Variants in TBCD observed in about 807,000 individuals in gnomAD.
TBCD encodes tubulin-specific chaperone D.
In TBCD, 105 loss-of-function variants were observed where a neutral mutation model predicts 169.3. The observed-to-expected ratio is 0.62, with a 90% CI of 0.53 to 0.73. TBCD has a LOEUF of 0.73. TBCD is among the 30% of genes least tolerant of loss of function. The pLI is 0.00. For synonymous variants in TBCD, 700 were observed against 643.9 expected, an observed-to-expected ratio of 1.09 and a Z score of -1.32; for missense variants, 1,444 against 1,600.1, an observed-to-expected ratio of 0.90 and a Z score of 1.66.
chr17:82,834,170 G>GC (rs369942176), intron 13 of TBCD, among the ~76,000 whole-genome samples: 8 of 152,198 alleles, frequency 5.3e-5, no homozygotes, highest in African/African-American at 1.9e-4. Flanking sequence ...CTGGTCTCGA[G>GC]CTCCTGACCT....
Position 82,870,217 on chromosome 17 carries a change from T to A in TBCD, c.1319-7T>A, listed in dbSNP as rs777019309. 1 of 1,612,816 alleles carries A rather than the reference T, an allele frequency of 6.2e-7. No individual in the cohort carries two copies. The highest frequency in any genetic ancestry group is 8.5e-7 in the Non-Finnish European group (1 of 1,179,852). Reference sequence around the variant, plus strand: ...TCCTCACCGTCTTTTCTCTTGTCCTTGCCCAGTTGTCGCCGTGATCCTGAA... The same window carrying A: ...TCCTCACCGTCTTTTCTCTTGTCCTAGCCCAGTTGTCGCCGTGATCCTGAA... On this transcript the variant is annotated splice_polypyrimidine_tract_variant and splice_region_variant and intron_variant, in intron 13 of 38. Transcript: ENST00000355528.
At chr17:82,871,351 CTTG>C (rs1480042832) in intron 14 of TBCD, among the ~76,000 whole-genome samples, 5 of 152,336 alleles carry the variant, frequency 3.3e-5, no homozygotes, top group East Asian at 1.9e-4. Context: ...TGCTTCCTTT[CTTG>C]TTGTGCATGA....
At chr17:82,896,533 G>A (rs12951357) in intron 17 of TBCD, among the ~76,000 whole-genome samples, 67,066 of 146,842 alleles carry the variant, frequency 0.46, 15,626 homozygotes, top group African/African-American at 0.56. Flanking sequence ...TGGCGCAATC[G>A]CGGCTCCCTG....
intron 13 of TBCD, among the ~76,000 whole-genome samples, chr17:82,825,565 A>G (rs985959925): frequency 6.6e-6 from 1 of 152,022 alleles, no homozygotes; most frequent in African/African-American, 2.4e-5. Context: ...GGTGCCTGAC[A>G]GGGCTGGGGG....
intron 13 of TBCD, among the ~76,000 whole-genome samples, chr17:82,867,273 ATTGTCCATGCTGGC>A (rs1567919606): frequency 1.3e-5 from 2 of 152,210 alleles, no homozygotes; most frequent in Non-Finnish European, 2.9e-5. Context: ...GCCTGAGGCC[ATTGTCCATGCTGGC>A]CACTGCCACT....
At position 82,830,581 on chromosome 17, in the gene TBCD, G is replaced by C. The variant is rs780942296; in HGVS notation, c.1318+15647G>C. ...CCCAGTCTTCTGTGGAACAGCAGCA[G>C]CAGGTTCTGCAGCTCGTGGTCGACC... On this transcript the variant is annotated intron_variant, in intron 13 of 38. Coordinates refer to ENST00000355528, the MANE Select transcript of TBCD (RefSeq NM_005993.5). The C allele has an allele frequency of 3.0e-5, 48 of 1,614,094 alleles. No homozygotes were observed. The highest frequency in any genetic ancestry group is 3.7e-5 in the Non-Finnish European group (44 of 1,179,996).
At chr17:82,913,366 G>A (rs982783320) in intron 23 of TBCD, 1 of 152,326 alleles carries the variant, frequency 6.6e-6, no homozygotes, top group African/African-American at 2.4e-5. Flanking sequence ...TGAGCAGTAA[G>A]TCTGCACAGG....
intron 13 of TBCD, among the ~76,000 whole-genome samples, chr17:82,823,609 G>A (rs562564011): frequency 7.0e-6 from 1 of 143,754 alleles, no homozygotes; most frequent in African/African-American, 2.5e-5. Flanking sequence ...GTGGGCCCCC[G>A]TTAAGACTGT....
At chr17:82,815,735 T>C (rs964765338) in intron 13 of TBCD, among the ~76,000 whole-genome samples, 1 of 152,182 alleles carries the variant, frequency 6.6e-6, no homozygotes, top group Non-Finnish European at 1.5e-5. Context: ...TAAAGACACC[T>C]GAGATGTGGT....
intron 13 of TBCD, among the ~76,000 whole-genome samples, chr17:82,850,943 T>TATG (rs2055739910): frequency 6.6e-6 from 1 of 152,236 alleles, no homozygotes; most frequent in Non-Finnish European, 1.5e-5. Context: ...AAAACGCACA[T>TATG]TACATACTGT....
Position 82,920,416 on chromosome 17 carries a change from G to C in TBCD, c.2039-140G>C. On this transcript the variant is annotated intron_variant, in intron 23 of 38. Coordinates refer to ENST00000355528, the MANE Select transcript of TBCD (RefSeq NM_005993.5). The surrounding 1 kb of genome is among the most constrained non-coding windows in gnomAD (Gnocchi z 4.1). ...CTGAAATGGTTCTGGGATGTTTCCA[G>C]CCCTGGCAGCAGGGTAGGTTGGGCG... The C allele has an allele frequency of 1.4e-6, 1 of 709,092 alleles. No individual in the cohort carries two copies. Among genetic ancestry groups the C allele is most frequent in the Non-Finnish European group, 2.4e-6 (1 of 417,976 alleles). The allele number at this position is 709,092 out of a possible 1,614,324, so 43.9% of individuals were successfully genotyped here. A position where few individuals can be genotyped will look rare whatever the true frequency, so the allele number is the denominator to read the frequency against.
chr17:82,792,529 TGACAGACGTAGGAAG>T (rs2049820495), intron 7 of TBCD, among the ~76,000 whole-genome samples: 2 of 152,228 alleles, frequency 1.3e-5, no homozygotes, highest in Admixed American at 1.3e-4. Context: ...TGCCTGTGAA[TGACAGACGTAGGAAG>T]CCACAATCAT....
intron 14 of TBCD, among the ~76,000 whole-genome samples, chr17:82,879,674 T>C (rs1427183135): frequency 6.6e-6 from 1 of 152,214 alleles, no homozygotes; most frequent in Non-Finnish European, 1.5e-5. Context: ...TGCATGTGGT[T>C]GTGTTCTACA....
intron 13 of TBCD, chr17:82,829,415 CTG>C (rs1431757843): frequency 7.5e-6 from 1 of 133,466 alleles, no homozygotes; most frequent in Non-Finnish European, 1.7e-5. Flanking sequence ...TTTTCATTGA[CTG>C]TTACGGCAAA....
chr17:82,802,857 A>G (rs1434484027), intron 9 of TBCD, among the ~76,000 whole-genome samples: 2 of 152,256 alleles, frequency 1.3e-5, no homozygotes, highest in South Asian at 2.1e-4. Context: ...TCAGGTTGCC[A>G]TGTAAAGTTA....
chr17:82,873,976 C>A (rs536647161), intron 14 of TBCD, among the ~76,000 whole-genome samples: 1 of 152,336 alleles, frequency 6.6e-6, no homozygotes, highest in South Asian at 2.1e-4. Context: ...CCTTGAGCCG[C>A]CCCTGCACAG....
intron 2 of TBCD, among the ~76,000 whole-genome samples, chr17:82,758,465 G>C (rs1598378429): frequency 6.8e-6 from 1 of 147,422 alleles, no homozygotes. Flanking sequence ...GCCCAGGCTG[G>C]TCTCATACCT....
intron 2 of TBCD, among the ~76,000 whole-genome samples, chr17:82,761,623 C>T (rs916214213): frequency 2.6e-5 from 4 of 152,052 alleles, no homozygotes; most frequent in African/African-American, 7.2e-5. Flanking sequence ...TTTTGTCTTC[C>T]GTTGTTAAAA....
At chr17:82,825,425 G>C (rs893297945) in intron 13 of TBCD, among the ~76,000 whole-genome samples, 6 of 152,102 alleles carry the variant, frequency 3.9e-5, no homozygotes, top group Non-Finnish European at 8.8e-5. Flanking sequence ...TAATATTTTT[G>C]TTCTTTGCCA....
Sources: gnomAD v4.1 joint callset for allele counts (sites outside exome capture counted in the v4.1 genomes callset) on GRCh38, gnomAD v4.1.1 for gene constraint, Gnocchi (gnomAD v3.1) non-coding constraint, MANE v1.5 for transcripts, NCBI Gene and HGNC (gene_info 2026-07-23, HGNC 2026-07-21) for gene names.